Variants in CDC14A observed in about 807,000 individuals in gnomAD.
The protein encoded by CDC14A is cell division cycle 14A.
Under a neutral mutation model 74.4 loss-of-function variants are expected in CDC14A, and 53 were observed. The ratio of observed to expected loss-of-function variants is 0.71; its 90% CI spans 0.57 to 0.89. CDC14A has a LOEUF of 0.89. Ranked by LOEUF, CDC14A falls within the 40% of genes least tolerant of loss-of-function variation. The probability of loss-of-function intolerance (pLI) is 0.00; values close to 1 mark genes in which losing one functional copy is unlikely to be tolerated. For missense variants in CDC14A, 646 were observed against 713.7 expected (o/e 0.91, Z 1.08); for synonymous variants, 247 against 258.4 (o/e 0.96, Z 0.43).
intron 2 of CDC14A, among the ~76,000 whole-genome samples, chr1:100,360,957 G>A (rs1652673502): frequency 6.6e-6 from 1 of 152,050 alleles, no homozygotes; most frequent in South Asian, 2.1e-4. Flanking sequence ...TTCTGTGCCA[G>A]GTCACCACAG....
rs1307774852 is a variant in CDC14A, at chr1:100,467,999, G to C, written c.882G>C (p.Met294Ile). Reference sequence around the variant, plus strand: ...GGACATTGATAGCCTGTTATGTAATGAAACACTACAGGTTTACACATGCTG... The same window carrying C: ...GGACATTGATAGCCTGTTATGTAATCAAACACTACAGGTTTACACATGCTG... ...RTGTLIACYV[M>I]KHYRFTHAEI... is the part of the protein sequence containing the mutation. Residue 294 changes from methionine to isoleucine, a missense_variant, in exon 10 of 16, where the codon ATG becomes ATC. Transcript: ENST00000336454. 1 of 1,610,874 alleles carries C rather than the reference G, an allele frequency of 6.2e-7. No individual in the cohort carries two copies. Among genetic ancestry groups the C allele is most frequent in the Non-Finnish European group, 8.5e-7 (1 of 1,178,840 alleles).
chr1:100,369,772 T>C (rs1654179444), intron 2 of CDC14A, among the ~76,000 whole-genome samples: 1 of 152,110 alleles, frequency 6.6e-6, no homozygotes, highest in South Asian at 2.1e-4. Flanking sequence ...GACTTAGTCA[T>C]AAATTCTTTC....
At chr1:100,345,910 C>CG (rs1557666364) in intron 1 of CDC14A, among the ~76,000 whole-genome samples, 1 of 152,114 alleles carries the variant, frequency 6.6e-6, no homozygotes, top group African/African-American at 2.4e-5. Context: ...TGGTGGCTCA[C>CG]GCCTGTAATC....
intron 14 of CDC14A, 72 bp downstream of exon 14, chr1:100,498,279 C>A: frequency 6.5e-7 from 1 of 1,547,760 alleles, no homozygotes; most frequent in South Asian, 1.2e-5. Flanking sequence ...ATGAGTTTAG[C>A]TGCAGTTTTG....
intron 11 of CDC14A, among the ~76,000 whole-genome samples, chr1:100,490,329 A>T (rs1670486222): frequency 6.6e-6 from 1 of 151,952 alleles, no homozygotes; most frequent in Non-Finnish European, 1.5e-5. Flanking sequence ...ATTTTTCTTG[A>T]GTTTGAAGGC....
intron 3 of CDC14A, among the ~76,000 whole-genome samples, chr1:100,385,248 G>C (rs1321557901): frequency 1.3e-5 from 2 of 152,092 alleles, no homozygotes; most frequent in Non-Finnish European, 2.9e-5. Context: ...CCAAAATTTA[G>C]CCATATCTTA....
At chr1:100,515,211 G>A (rs1050526742) in intron 15 of CDC14A, among the ~76,000 whole-genome samples, 5 of 152,078 alleles carry the variant, frequency 3.3e-5, no homozygotes, top group South Asian at 4.2e-4. Context: ...CAGAGAGACC[G>A]TCAGCACAAC....
At chr1:100,434,761 C>T (rs1303950770) in intron 5 of CDC14A, among the ~76,000 whole-genome samples, 1 of 151,842 alleles carries the variant, frequency 6.6e-6, no homozygotes, top group African/African-American at 2.4e-5. Context: ...GGAGCAGATT[C>T]AAGAGATTCT....
At chr1:100,404,050 T>A (rs1206094471) in intron 4 of CDC14A, among the ~76,000 whole-genome samples, 2 of 151,146 alleles carry the variant, frequency 1.3e-5, no homozygotes, top group African/African-American at 4.8e-5. Context: ...TTTCCCCTAT[T>A]TTGGAAAGTG....
At chr1:100,444,183 G>A (rs1276179808) in intron 7 of CDC14A, among the ~76,000 whole-genome samples, 2 of 152,176 alleles carry the variant, frequency 1.3e-5, no homozygotes, top group Non-Finnish European at 2.9e-5. Flanking sequence ...CCCTAACCTA[G>A]TGAGTATTCG....
intron 13 of CDC14A, 120 bp from the exon 14 acceptor site, chr1:100,497,965 C>A: frequency 9.7e-7 from 1 of 1,028,426 alleles, no homozygotes; most frequent in Non-Finnish European, 1.4e-6. Context: ...CTGCTGTCAT[C>A]ACTATTAGGA....
chr1:100,440,851 ATTT>A (rs1664849289), intron 6 of CDC14A, among the ~76,000 whole-genome samples: 1 of 152,146 alleles, frequency 6.6e-6, no homozygotes, highest in Non-Finnish European at 1.5e-5. Flanking sequence ...TTTCTATTTA[ATTT>A]AAAATGAATT....
chr1:100,470,064 A>T (rs1638892077), intron 10 of CDC14A, among the ~76,000 whole-genome samples: 1 of 152,218 alleles, frequency 6.6e-6, no homozygotes, highest in African/African-American at 2.4e-5. Context: ...ATTCCTCATG[A>T]TCATAAACAC....
intron 15 of CDC14A, among the ~76,000 whole-genome samples, chr1:100,515,081 T>C (rs562444002): frequency 6.6e-6 from 1 of 152,286 alleles, no homozygotes; most frequent in African/African-American, 2.4e-5. Flanking sequence ...TGTTACGATG[T>C]GTATTAGGTC....
chr1:100,422,351 G>T (rs1031406086), intron 4 of CDC14A, among the ~76,000 whole-genome samples: 1 of 152,142 alleles, frequency 6.6e-6, no homozygotes, highest in African/African-American at 2.4e-5. Context: ...CTTTTCAAAG[G>T]TTGTTGTCTA....
At chr1:100,420,082 A>ATATATATATATATATATATAT (rs58124351) in intron 4 of CDC14A, among the ~76,000 whole-genome samples, 2 of 105,520 alleles carry the variant, frequency 1.9e-5, no homozygotes, top group Non-Finnish European at 4.0e-5. Flanking sequence ...ATATATATAT[A>ATATATATATATATATATATAT]GTGTGTATGT....
At chr1:100,493,224 A>G (rs74103202) in intron 11 of CDC14A, among the ~76,000 whole-genome samples, 2,918 of 152,292 alleles carry the variant, frequency 0.019, 101 homozygotes, top group African/African-American at 0.067. Context: ...CACCCAGTTG[A>G]CAATGAAACT....
In CDC14A at chr1:100,403,657, A is replaced by G. The variant is rs77912576; in HGVS notation, c.309+12833A>G. Among the ~76,000 whole-genome samples, 542 of 152,280 alleles carry G rather than the reference A, an allele frequency of 3.6e-3. 10 individuals carry two copies. The East Asian group carries it at 0.042, about 12-fold the overall frequency. The stretch of plus-strand genomic sequence containing the variant: ...TTGTTTTAAGCCTTCAAATAATATG[A>G]TTTATCTTTTCTTATCTCACTTTCA... On this transcript the variant is annotated intron_variant, in intron 4 of 15. Coordinates refer to ENST00000336454, the MANE Select transcript of CDC14A (RefSeq NM_003672.4).
At chr1:100,385,654 G>A (rs1222613364) in intron 3 of CDC14A, among the ~76,000 whole-genome samples, 1 of 152,076 alleles carries the variant, frequency 6.6e-6, no homozygotes, top group Non-Finnish European at 1.5e-5. Flanking sequence ...GTTCGTCAAA[G>A]GCCCTCTCTG....
Sources: allele counts gnomAD v4.1 joint callset (sites outside exome capture counted in the v4.1 genomes callset), GRCh38; gene constraint gnomAD v4.1.1; transcripts MANE v1.5; gene names NCBI Gene and HGNC (gene_info 2026-07-23, HGNC 2026-07-21).